The following DCAF8L2 variants were observed in gnomAD, a reference collection of about 807,000 sequenced individuals.
The protein encoded by DCAF8L2 is DDB1- and CUL4-associated factor 8-like protein 2.
For synonymous variants in DCAF8L2, 200 were observed against 190.9 expected (o/e 1.05, Z -0.39); for missense variants, 430 against 490.7 (o/e 0.88, Z 1.17).
chrX:27,639,706 A>G (rs1316275431), intron 2 of DCAF8L2, among the ~76,000 whole-genome samples: 1 of 111,288 alleles, frequency 9.0e-6, no homozygotes, highest in East Asian at 2.8e-4. Context: ...TACATTTTTT[A>G]AATTATGAAA....
the DCAF8L2 span, among the ~76,000 whole-genome samples, chrX:27,542,515 G>T: frequency 1.1e-5 from 1 of 89,789 alleles, no homozygotes; most frequent in African/African-American, 4.1e-5. Context: ...AGAAGTGTCT[G>T]TTCATGTCCT....
the DCAF8L2 span, among the ~76,000 whole-genome samples, chrX:27,524,619 G>A: frequency 9.1e-6 from 1 of 109,811 alleles, no homozygotes; most frequent in African/African-American, 3.3e-5. Context: ...TAATTGTGAT[G>A]TTAGGGTGTC....
the DCAF8L2 span, among the ~76,000 whole-genome samples, chrX:27,545,492 A>G: frequency 4.5e-5 from 5 of 111,904 alleles, no homozygotes; most frequent in African/African-American, 1.6e-4. Context: ...CTGATATGGT[A>G]TTGCTTTGTG....
intron 2 of DCAF8L2, among the ~76,000 whole-genome samples, chrX:27,668,020 T>A (rs746695888): frequency 8.9e-6 from 1 of 111,941 alleles, no homozygotes; most frequent in East Asian, 2.8e-4. Context: ...GTGATGGCTA[T>A]GGTTCTGAAG....
chrX:27,512,803 A>AAAAAAAAC, the DCAF8L2 span, among the ~76,000 whole-genome samples: 6 of 98,879 alleles, frequency 6.1e-5, no homozygotes, highest in African/African-American at 2.3e-4. Context: ...AAAAAAAAAA[A>AAAAAAAAC]AAAAAAACAA....
chrX:27,620,357 G>T (rs998955886), intron 1 of DCAF8L2, among the ~76,000 whole-genome samples: 3 of 111,197 alleles, frequency 2.7e-5, no homozygotes, highest in Non-Finnish European at 5.7e-5. Flanking sequence ...GGTAACAAAA[G>T]AATAAATAGA....
chrX:27,577,435 T>C, the DCAF8L2 span, among the ~76,000 whole-genome samples: 1 of 111,541 alleles, frequency 9.0e-6, no homozygotes, highest in Non-Finnish European at 1.9e-5. Flanking sequence ...CCCTGGAAAA[T>C]GTGGAGACAA....
rs182040773 is a variant in DCAF8L2 at position 27,622,923 on chromosome X, A to T, written c.-341-8956A>T. On this transcript the variant is annotated intron_variant, in intron 1 of 4. Coordinates refer to ENST00000451261, the MANE Select transcript of DCAF8L2 (RefSeq NM_001353450.2). ...TATTTCTACTTTGTGCATTTCCCCC[A>T]TGTATATTGTAGTCCACCATAAAAT... Among the ~76,000 whole-genome samples, 4 of 111,685 alleles carry T rather than the reference A, an allele frequency of 3.6e-5. No homozygotes were observed. In the Admixed American group the frequency reaches 3.8e-4, roughly 11 times the overall value.
chrX:27,529,870 T>C, the DCAF8L2 span, among the ~76,000 whole-genome samples: 1 of 112,026 alleles, frequency 8.9e-6, no homozygotes, highest in South Asian at 3.7e-4. Context: ...AATAACATTG[T>C]AGTCTCATGG....
chrX:27,591,009 ATAT>A (rs1926057763), intron 1 of DCAF8L2, among the ~76,000 whole-genome samples: 5 of 97,101 alleles, frequency 5.1e-5, no homozygotes, highest in African/African-American at 1.4e-4. Context: ...ATATATATAT[ATAT>A]ATAAATAAAT....
chrX:27,534,903 C>T, the DCAF8L2 span, among the ~76,000 whole-genome samples: 3 of 111,850 alleles, frequency 2.7e-5, no homozygotes, highest in Admixed American at 9.5e-5. Context: ...GGAGTTTATA[C>T]TGAAATGTTC....
At chrX:27,494,531 T>C in the DCAF8L2 span, among the ~76,000 whole-genome samples, 1 of 112,582 alleles carries the variant, frequency 8.9e-6, no homozygotes, top group African/African-American at 3.2e-5. Context: ...AGTGGCTACG[T>C]TTTTCACTTC....
intron 3 of DCAF8L2, among the ~76,000 whole-genome samples, chrX:27,701,949 A>G (rs1931143241): frequency 9.0e-6 from 1 of 111,225 alleles, no homozygotes; most frequent in Admixed American, 9.6e-5. Flanking sequence ...TGAGAAAAAG[A>G]AACTGACAAA....
At chrX:27,602,348 T>C (rs1462254563) in intron 1 of DCAF8L2, among the ~76,000 whole-genome samples, 1 of 112,044 alleles carries the variant, frequency 8.9e-6, no homozygotes, top group Non-Finnish European at 1.9e-5. Flanking sequence ...CTTTTGTTTT[T>C]AGTAGTGTTG....
chrX:27,691,866 T>C (rs973028122), intron 3 of DCAF8L2, among the ~76,000 whole-genome samples: 3 of 111,569 alleles, frequency 2.7e-5, no homozygotes, highest in Admixed American at 9.6e-5. Context: ...TGGAATTCTC[T>C]TCACATTTGA....
chrX:27,564,740 A>AT, the DCAF8L2 span, among the ~76,000 whole-genome samples: 1 of 109,910 alleles, frequency 9.1e-6, no homozygotes, highest in Non-Finnish European at 1.9e-5. Flanking sequence ...CAATGAAAAA[A>AT]AAATTCCTCT....
chrX:27,699,718 A>G (rs6526697), intron 3 of DCAF8L2, among the ~76,000 whole-genome samples: 16,464 of 110,709 alleles, frequency 0.15, 1,361 homozygotes, highest in East Asian at 0.35. Context: ...AATAAATGAA[A>G]AGGTTAAGCA....
intron 2 of DCAF8L2, among the ~76,000 whole-genome samples, chrX:27,646,606 G>A (rs910078845): frequency 6.3e-5 from 7 of 111,344 alleles, no homozygotes; most frequent in East Asian, 2.8e-4. Context: ...GGAAAGTATC[G>A]TCAGAGTGAA....
chrX:27,711,690 G>T (rs746537717), intron 3 of DCAF8L2, among the ~76,000 whole-genome samples: 1 of 110,102 alleles, frequency 9.1e-6, no homozygotes, highest in African/African-American at 3.3e-5. Flanking sequence ...ATCATTTTGT[G>T]ATTTTAGTAT....
Sources: allele counts gnomAD v4.1 joint callset (sites outside exome capture counted in the v4.1 genomes callset), GRCh38; gene constraint gnomAD v4.1.1; transcripts MANE v1.5; gene names NCBI Gene and HGNC (gene_info 2026-07-23, HGNC 2026-07-21).